The following AMPD1 variants were observed in gnomAD, a reference collection of about 807,000 sequenced individuals.
AMPD1 encodes adenosine monophosphate deaminase 1.
Under a neutral mutation model 82.9 loss-of-function variants are expected in AMPD1, and 74 were observed. The ratio of observed to expected loss-of-function variants is 0.89; its 90% confidence interval spans 0.74 to 1.08. The LOEUF is 1.08. Ranked by LOEUF, AMPD1 falls within the 50% of genes least tolerant of loss-of-function variation. The pLI, the probability that AMPD1 is intolerant of heterozygous loss-of-function variation, is 0.00. For synonymous variants in AMPD1, 333 were observed against 320.5 expected (o/e 1.04, Z -0.42); for missense variants, 881 against 924.5 (o/e 0.95, Z 0.61).
chr1:114,695,400 A>G, intron 1 of AMPD1, 50 bp downstream of exon 1: 1 of 1,602,190 alleles, frequency 6.2e-7, no homozygotes, highest in Non-Finnish European at 8.5e-7. Context: ...CTTGTCAAAA[A>G]AAAAAAAAAA....
rs1273170766 is a variant in AMPD1, at chr1:114,677,399, C to T, written c.1340G>A (p.Arg447His). The T allele has an allele frequency of 5.6e-6, 9 of 1,610,814 alleles. No individual in the cohort carries two copies. The highest frequency in any genetic ancestry group is 3.4e-5 in the Admixed American group (2 of 59,506). The change falls in exon 10 of 16, where the codon CGC (arginine) becomes CAC (histidine). Residue 447 changes from arginine to histidine, a missense_variant. Physicochemically the swap from Arg to His is conservative, Grantham distance 29. This residue lies in a region of AMPD1 where 783 missense variants were observed against 786.4 expected (regional missense o/e 1.00). Coordinates refer to ENST00000520113, the MANE Select transcript of AMPD1 (RefSeq NM_000036.3). ...SKLSSWFVCNRIHCPNMTWMI... is the reference protein window; with the variant it reads ...SKLSSWFVCNHIHCPNMTWMI... ...CCATGTCATGTTGGGGCAGTGGATGCGATTGCAGACGAACCAGGAGGAGAG... is the reference window on the plus strand; with the variant it reads ...CCATGTCATGTTGGGGCAGTGGATGTGATTGCAGACGAACCAGGAGGAGAG...
In AMPD1 at chr1:114,677,530, A is replaced by T. The variant is rs1283301330; in HGVS notation, c.1225-16T>A. Reference sequence around the variant, plus strand: ...CACCTACCTCCTGCAAAGCCAAGAGAGAAGTCCAAGCCAGGGATTCCCACA... The same window carrying T: ...CACCTACCTCCTGCAAAGCCAAGAGTGAAGTCCAAGCCAGGGATTCCCACA... On this transcript the variant is annotated splice_polypyrimidine_tract_variant and intron_variant, in intron 9 of 15. Coordinates refer to ENST00000520113, the MANE Select transcript of AMPD1 (RefSeq NM_000036.3). 6.2e-7 allele frequency: 1 copy of T among 1,613,598 alleles called. No homozygotes were observed. The highest frequency in any genetic ancestry group is 1.7e-5 in the Admixed American group (1 of 59,944).
At chr1:114,683,906 A>G (rs1233921789) in intron 5 of AMPD1, among the ~76,000 whole-genome samples, 3 of 152,204 alleles carry the variant, frequency 2.0e-5, no homozygotes, top group Non-Finnish European at 4.4e-5. Flanking sequence ...AAGATGAACC[A>G]AAAGAGAGGG....
chr1:114,680,585 T>A, intron 5 of AMPD1, 107 bp from the exon 6 acceptor site: 1 of 925,562 alleles, frequency 1.1e-6, no homozygotes, highest in Non-Finnish European at 1.7e-6. Flanking sequence ...TGGAATCCGG[T>A]ACTTAAGTTG....
chr1:114,682,779 C>A (rs961917982), intron 5 of AMPD1, among the ~76,000 whole-genome samples: 3 of 152,082 alleles, frequency 2.0e-5, no homozygotes, highest in South Asian at 2.1e-4. Flanking sequence ...GGGGTTTCAC[C>A]GTGTTAGCCA....
In AMPD1 at chr1:114,688,694, C is replaced by G. The variant is rs1244056716; in HGVS notation, c.82G>C (p.Glu28Gln). The change falls in exon 3 of 16, where the codon GAA becomes CAA. Residue 28 changes from glutamate to glutamine, a missense_variant. By Grantham distance (29) the Glu-to-Gln change is conservative. This residue lies in a region of AMPD1 where 783 missense variants were observed against 786.4 expected (regional missense o/e 1.00). Coordinates refer to ENST00000520113, the MANE Select transcript of AMPD1 (RefSeq NM_000036.3). ...TGACGACCTCCTTCATCTTTGACTT[C>G]AGAGGCAAACACTTTTTCAGCAAAG... is the stretch of plus-strand genomic sequence containing the variant. ...RNFAEKVFAS[E>Q]VKDEGGRQEI... The G allele has an allele frequency of 6.2e-7, 1 of 1,614,214 alleles. No individual in the cohort carries two copies. Among genetic ancestry groups the G allele is most frequent in the Non-Finnish European group, 8.5e-7 (1 of 1,180,048 alleles).
At chr1:114,693,372 G>A in intron 2 of AMPD1, 64 bp downstream of exon 2, 1 of 1,488,714 alleles carries the variant, frequency 6.7e-7, no homozygotes. Flanking sequence ...CTGAATTAAG[G>A]AATAGTATCA....
chr1:114,677,042 G>A (rs1309543388), intron 10 of AMPD1, among the ~76,000 whole-genome samples: 2 of 152,096 alleles, frequency 1.3e-5, no homozygotes, highest in African/African-American at 4.8e-5. Flanking sequence ...AGAAGACCAG[G>A]TGAAAGAAAA....
chr1:114,675,591 A>G lies in AMPD1; in HGVS notation c.1618T>C (p.Ser540Pro). The G allele has an allele frequency of 6.2e-7, 1 of 1,614,194 alleles. No homozygotes were observed. ...PQEWTLEKNP[S>P]YTYYAYYMYA... ...ATGTAGTAGGCATAGTAAGTGTAAG[A>G]TGGATTCTTTTCCAATGTCCACTCC... The change falls in exon 12 of 16, where the codon TCT becomes CCT. Residue 540 changes from serine to proline, a missense_variant. Transcript: ENST00000520113.
At chr1:114,691,436 C>T (rs1245979033) in intron 2 of AMPD1, among the ~76,000 whole-genome samples, 1 of 151,266 alleles carries the variant, frequency 6.6e-6, no homozygotes, top group Non-Finnish European at 1.5e-5. Flanking sequence ...AGCATGGTGG[C>T]ATACGCATGT....
Position 114,682,739 on chromosome 1 carries a change from T to C in AMPD1, c.547+1460A>G, listed in dbSNP as rs545545114. ...GACTACAGGCGCCCGCCACCACGCCTGGCTAATTTTTTGTATTTTTAGTAG... is the reference window on the plus strand; with the variant it reads ...GACTACAGGCGCCCGCCACCACGCCCGGCTAATTTTTTGTATTTTTAGTAG... On this transcript the variant is annotated intron_variant, in intron 5 of 15. Transcript: ENST00000520113. Among the ~76,000 whole-genome samples, 248 of 152,224 alleles carry C rather than the reference T, an allele frequency of 1.6e-3. 1 individual carries two copies. Among genetic ancestry groups the C allele is most frequent in the Non-Finnish European group, 2.6e-3 (177 of 68,014 alleles).
At chr1:114,681,781 A>C (rs1329181837) in intron 5 of AMPD1, among the ~76,000 whole-genome samples, 1 of 152,156 alleles carries the variant, frequency 6.6e-6, no homozygotes, top group African/African-American at 2.4e-5. Flanking sequence ...GGTTCACTCA[A>C]AGCCTATGGG....
chr1:114,684,306 C>A lies in AMPD1; in HGVS notation c.440G>T (p.Arg147Leu). ...CKGLYRALCI[R>L]EKYMQKSFQR... ...AAACGACTTCTGCATGTATTTCTCACGTATGCATAGTGCCCGATACAGACC... is the reference window on the plus strand; with the variant it reads ...AAACGACTTCTGCATGTATTTCTCAAGTATGCATAGTGCCCGATACAGACC... Residue 147 changes from arginine (R) to leucine (L), a missense_variant, in exon 5 of 16, where the codon CGT becomes CTT. Arg to Leu is a moderately radical substitution (Grantham distance 102, BLOSUM62 -2). This residue lies in a region of AMPD1 where 783 missense variants were observed against 786.4 expected (regional missense o/e 1.00). Coordinates refer to ENST00000520113, the MANE Select transcript of AMPD1 (RefSeq NM_000036.3). 6.2e-7 allele frequency: 1 copy of A among 1,613,884 alleles called. No individual in the cohort carries two copies. The highest frequency in any genetic ancestry group is 1.1e-5 in the South Asian group (1 of 91,082).
chr1:114,680,277 A>C lies in AMPD1; in HGVS notation c.749T>G (p.Leu250Ter). 6.2e-7 allele frequency: 1 copy of C among 1,613,960 alleles called. No individual in the cohort carries two copies. Among genetic ancestry groups the C allele is most frequent in the Non-Finnish European group, 8.5e-7 (1 of 1,180,032 alleles). The part of the protein sequence containing the change: ...FLDDMNFLLA[L>*]IAQGPVKTYT... ...CACTTACACAGGTCCTTGAGCAATTAAAGCAAGTAAAAAATTCATATCGTC... is the reference window on the plus strand; with the variant it reads ...CACTTACACAGGTCCTTGAGCAATTCAAGCAAGTAAAAAATTCATATCGTC... The change falls in exon 6 of 16, where the codon TTA (leucine) becomes TGA (stop). Residue 250 changes from leucine to a stop codon, truncating the protein, a stop_gained. Transcript: ENST00000520113. LOFTEE classifies it high-confidence loss of function.
intron 4 of AMPD1, among the ~76,000 whole-genome samples, chr1:114,685,328 C>A (rs1414953456): frequency 6.6e-6 from 1 of 152,176 alleles, no homozygotes; most frequent in Non-Finnish European, 1.5e-5. Context: ...TTCATGTTCT[C>A]AGCACACAAT....
chr1:114,684,130 A>G (rs1658240419), intron 5 of AMPD1, 69 bp downstream of exon 5: 11 of 1,472,206 alleles, frequency 7.5e-6, no homozygotes, highest in South Asian at 1.2e-5. Context: ...ATCTAGAGGC[A>G]TATTTTAAAT....
chr1:114,677,383 G>C lies in AMPD1; in HGVS notation c.1356C>G (p.Asn452Lys). 1 of 1,610,910 alleles carries C rather than the reference G, an allele frequency of 6.2e-7. No individual in the cohort carries two copies. Among genetic ancestry groups the C allele is most frequent in the Non-Finnish European group, 8.5e-7 (1 of 1,179,438 alleles). ...TGGGAACCTGGATCATCCATGTCAT[G>C]TTGGGGCAGTGGATGCGATTGCAGA... is the stretch of plus-strand genomic sequence containing the variant. Reference protein sequence around the residue: ...WFVCNRIHCPNMTWMIQVPRI... With the variant: ...WFVCNRIHCPKMTWMIQVPRI... Residue 452 changes from asparagine (N) to lysine (K), a missense_variant, in exon 10 of 16, where the codon AAC becomes AAG. Asn to Lys is a moderately conservative substitution (Grantham distance 94, BLOSUM62 0). This residue lies in a region of AMPD1 where 783 missense variants were observed against 786.4 expected (regional missense o/e 1.00). Coordinates refer to ENST00000520113, the MANE Select transcript of AMPD1 (RefSeq NM_000036.3).
chr1:114,687,652 G>T (rs573493902), intron 3 of AMPD1, among the ~76,000 whole-genome samples: 2 of 152,292 alleles, frequency 1.3e-5, no homozygotes, highest in South Asian at 4.1e-4. Flanking sequence ...CTAAAGTGTG[G>T]CTGGTAGTGA....
At position 114,678,400 on chromosome 1, in the gene AMPD1, TTTA is replaced by T; in HGVS notation, c.1022_1024del (p.Leu341_Lys342delinsGln). On this transcript the variant is annotated inframe_deletion, in exon 8 of 16. Transcript: ENST00000520113. ...CATTTTTAATTTAGCAAAAAGTTCC[TTTA>T]GGGTCAGATTCTTCTCTTTGGTGCT... 2 of 1,614,154 alleles carry T rather than the reference TTTA, an allele frequency of 1.2e-6. No individual in the cohort carries two copies. Among genetic ancestry groups the T allele is most frequent in the Non-Finnish European group, 1.7e-6 (2 of 1,180,024 alleles).
Sources: gnomAD v4.1 joint callset for allele counts (sites outside exome capture counted in the v4.1 genomes callset) on GRCh38, gnomAD v4.1.1 for gene constraint, gnomAD v4.1.1 regional missense constraint, MANE v1.5 for transcripts, NCBI Gene and HGNC (gene_info 2026-07-23, HGNC 2026-07-21) for gene names.